Variants in FHIT observed in about 807,000 individuals in gnomAD.
FHIT encodes bis(5'-adenosyl)-triphosphatase.
In FHIT, 19 loss-of-function variants were observed where a neutral mutation model predicts 17.9. The observed-to-expected ratio is 1.06, with a 90% CI of 0.74 to 1.56. The LOEUF (loss-of-function observed/expected upper bound fraction) is 1.56. Among genes scored for constraint, FHIT ranks in the 40% most tolerant of loss-of-function variants. FHIT has a pLI of 0.00. For synonymous variants in FHIT, 81 were observed against 69.7 expected (o/e 1.16, Z -0.81); for missense variants, 248 against 189.2 (o/e 1.31, Z -1.82).
chr3:61,219,708 T>G (rs1419141460), intron 1 of FHIT, among the ~76,000 whole-genome samples: 1 of 152,100 alleles, frequency 6.6e-6, no homozygotes, highest in East Asian at 1.9e-4. Context: ...CTAAAAGAAA[T>G]AAACATGGAA....
At chr3:61,086,822 C>A (rs1238815539) in intron 2 of FHIT, among the ~76,000 whole-genome samples, 1 of 152,092 alleles carries the variant, frequency 6.6e-6, no homozygotes, top group African/African-American at 2.4e-5. Context: ...TCATATTATT[C>A]TTCCTCCTTG....
At chr3:59,917,274 T>C (rs1267920326) in intron 8 of FHIT, among the ~76,000 whole-genome samples, 1 of 152,256 alleles carries the variant, frequency 6.6e-6, no homozygotes, top group East Asian at 1.9e-4. Context: ...CTTGCTTTAG[T>C]AATAGTCACT....
At chr3:60,202,123 A>G (rs542335952) in intron 5 of FHIT, among the ~76,000 whole-genome samples, 1 of 152,322 alleles carries the variant, frequency 6.6e-6, no homozygotes, top group African/African-American at 2.4e-5. Context: ...GTTACAGTGG[A>G]AAGAGCATCT....
intron 5 of FHIT, among the ~76,000 whole-genome samples, chr3:60,208,904 G>C (rs1018591016): frequency 2.2e-4 from 34 of 152,268 alleles, no homozygotes; most frequent in South Asian, 4.2e-4. Flanking sequence ...TAAATATCAA[G>C]AGAACATCCA....
chr3:61,136,593 A>G (rs2106977862), intron 2 of FHIT, among the ~76,000 whole-genome samples: 1 of 152,314 alleles, frequency 6.6e-6, no homozygotes, highest in African/African-American at 2.4e-5. Context: ...AAAGAACTGA[A>G]TATCTTTTTA....
chr3:60,288,778 C>G (rs1707848544), intron 5 of FHIT, among the ~76,000 whole-genome samples: 1 of 152,084 alleles, frequency 6.6e-6, no homozygotes, highest in Non-Finnish European at 1.5e-5. Context: ...ATGTAATACA[C>G]TAATATTTGT....
intron 1 of FHIT, among the ~76,000 whole-genome samples, chr3:61,215,720 C>T (rs533612319): frequency 6.6e-6 from 1 of 152,310 alleles, no homozygotes; most frequent in Admixed American, 6.5e-5. Context: ...AAGCTGGAGG[C>T]ATCACTCTAC....
At chr3:59,806,704 GTGTA>G (rs1398408287) in intron 8 of FHIT, among the ~76,000 whole-genome samples, 11 of 9,050 alleles carry the variant, frequency 1.2e-3, no homozygotes, top group Admixed American at 4.4e-3. Flanking sequence ...ATGTATATAT[GTGTA>G]TATACATATG....
At chr3:60,501,432 C>A (rs1047349142) in intron 5 of FHIT, among the ~76,000 whole-genome samples, 3 of 152,114 alleles carry the variant, frequency 2.0e-5, no homozygotes, top group African/African-American at 7.2e-5. Flanking sequence ...CAAACTAACC[C>A]ACATTTACGC....
At chr3:60,987,158 T>C (rs1710753123) in intron 3 of FHIT, among the ~76,000 whole-genome samples, 1 of 152,172 alleles carries the variant, frequency 6.6e-6, no homozygotes, top group African/African-American at 2.4e-5. Flanking sequence ...AAACATGATA[T>C]AATAGGCATC....
At chr3:60,159,373 G>C (rs1700840811) in intron 5 of FHIT, among the ~76,000 whole-genome samples, 2 of 152,068 alleles carry the variant, frequency 1.3e-5, no homozygotes, top group East Asian at 1.9e-4. Context: ...CACCCACCTT[G>C]GTCTCCCAAA....
chr3:60,583,378 A>G (rs911591531), intron 4 of FHIT, among the ~76,000 whole-genome samples: 1 of 151,908 alleles, frequency 6.6e-6, no homozygotes, highest in Non-Finnish European at 1.5e-5. Flanking sequence ...GTTTTCTGTA[A>G]AGAGCTGGAT....
In FHIT at chr3:61,105,944, A is replaced by C. The variant is rs927680271; in HGVS notation, c.-163-63845T>G. Among the ~76,000 whole-genome samples the C allele has an allele frequency of 2.6e-5, 4 of 152,206 alleles. No homozygotes were observed. In the East Asian group the frequency reaches 7.7e-4, roughly 29 times the overall value. On this transcript the variant is annotated intron_variant, in intron 2 of 9. Transcript: ENST00000492590. ...TTGCCCAGAAGTTCTTTCTTTTTCC[A>C]ATGGTTTTAAATGGCTCTAAAGAGA...
chr3:60,669,686 T>C (rs572472389), intron 4 of FHIT, among the ~76,000 whole-genome samples: 6 of 152,292 alleles, frequency 3.9e-5, no homozygotes, highest in South Asian at 4.1e-4. Flanking sequence ...AATCCCCAAA[T>C]AGACCTCACG....
chr3:60,175,648 C>T (rs747370918), intron 5 of FHIT, among the ~76,000 whole-genome samples: 4 of 152,112 alleles, frequency 2.6e-5, no homozygotes, highest in Non-Finnish European at 4.4e-5. Context: ...CACATTTATA[C>T]ACATATTCTA....
chr3:60,580,861 G>A (rs1431765886), intron 4 of FHIT, among the ~76,000 whole-genome samples: 3 of 152,074 alleles, frequency 2.0e-5, no homozygotes, highest in African/African-American at 7.2e-5. Context: ...GCCTGCCAAG[G>A]GTGTATGACA....
rs35035484 is a variant in FHIT at position 60,787,618 on chromosome 3, T to A, written c.-18+34301A>T. Among the ~76,000 whole-genome samples the A allele has an allele frequency of 4.3e-3, 660 of 152,382 alleles. 3 individuals are homozygous for A. The highest frequency in any genetic ancestry group is 7.6e-3 in the Non-Finnish European group (514 of 68,036). On this transcript the variant is annotated intron_variant, in intron 4 of 9. Coordinates refer to ENST00000492590, the MANE Select transcript of FHIT (RefSeq NM_002012.4). ...ACAGGTAAGTGAACATAAATGTGTA[T>A]AAGGTTGGCATCCATTCTTTGTGCA... is the stretch of plus-strand genomic sequence containing the variant.
intron 2 of FHIT, among the ~76,000 whole-genome samples, chr3:61,096,046 T>C (rs1341072128): frequency 6.6e-6 from 1 of 152,206 alleles, no homozygotes. Context: ...AAAGTCAGTA[T>C]TAATCAGAGG....
intron 5 of FHIT, among the ~76,000 whole-genome samples, chr3:60,231,605 A>C (rs1379403383): frequency 1.3e-5 from 2 of 152,200 alleles, no homozygotes; most frequent in Non-Finnish European, 2.9e-5. Context: ...GCAGCCATTT[A>C]ATGCTTTCCT....
Sources: allele counts gnomAD v4.1 joint callset (sites outside exome capture counted in the v4.1 genomes callset), GRCh38; gene constraint gnomAD v4.1.1; transcripts MANE v1.5; gene names NCBI Gene and HGNC (gene_info 2026-07-23, HGNC 2026-07-21).